Variants in TRIM10 observed in about 807,000 individuals in gnomAD.
TRIM10 encodes the protein tripartite motif-containing protein 10.
A neutral mutation model predicts 40.0 loss-of-function variants in TRIM10; 42 were observed. The observed-to-expected ratio is 1.05, with a 90% CI of 0.82 to 1.36. The LOEUF is 1.36. Among genes scored for constraint, TRIM10 ranks in the 40% most tolerant of loss-of-function variants. The probability of loss-of-function intolerance (pLI) is 0.00; values close to 1 mark genes in which losing one functional copy is unlikely to be tolerated. For synonymous variants in TRIM10, 260 were observed against 239.5 expected (o/e 1.09, Z -0.79); for missense variants, 601 against 608.3 (o/e 0.99, Z 0.13).
In TRIM10 at chr6:30,160,421, C is replaced by T; in HGVS notation, c.429+9G>A. On this transcript the variant is annotated intron_variant, in intron 1 of 6. Coordinates refer to ENST00000449742, the MANE Select transcript of TRIM10 (RefSeq NM_006778.4). ...TCCACCCTGGGATCCCCCAGTTCCC[C>T]TTTCCTACCCTATAGGGAGCCGCTG... 1 of 1,609,980 alleles carries T rather than the reference C, an allele frequency of 6.2e-7. No individual in the cohort carries two copies. Among genetic ancestry groups the T allele is most frequent in the East Asian group, 2.2e-5 (1 of 44,840 alleles).
upstream of TRIM10, chr6:30,163,637 C>T: frequency 1.9e-6 from 3 of 1,547,588 alleles, no homozygotes; most frequent in Admixed American, 3.7e-5. Context: ...AAAGGGAACT[C>T]GCGTGGGCTG....
intron 5 of TRIM10, among the ~76,000 whole-genome samples, chr6:30,156,411 C>G (rs1772531721): frequency 6.6e-6 from 1 of 152,112 alleles, no homozygotes; most frequent in Admixed American, 6.5e-5. Flanking sequence ...AAACCCTCCC[C>G]CACACCCTAC....
chr6:30,160,395 G>C, intron 1 of TRIM10, 35 bp downstream of exon 1: 2 of 1,595,624 alleles, frequency 1.3e-6, no homozygotes, highest in Non-Finnish European at 1.7e-6. Flanking sequence ...GTCCAGTCCA[G>C]TCCACCCTGG....
chr6:30,156,599 A>AGG (rs1772552896), intron 5 of TRIM10, among the ~76,000 whole-genome samples: 1 of 152,216 alleles, frequency 6.6e-6, no homozygotes, highest in Non-Finnish European at 1.5e-5. Flanking sequence ...AAAACTTATC[A>AGG]CATATTACAA....
At chr6:30,154,555 T>C in intron 6 of TRIM10, 69 bp from the exon 7 acceptor site, 1 of 1,573,620 alleles carries the variant, frequency 6.4e-7, no homozygotes, top group Non-Finnish European at 8.6e-7. Context: ...GCATAGAAAC[T>C]CCCCCTGGGC....
chr6:30,160,333 G>T, intron 1 of TRIM10, 97 bp downstream of exon 1: 1 of 1,349,202 alleles, frequency 7.4e-7, no homozygotes, highest in Non-Finnish European at 1.0e-6. Context: ...TAAGGAGAAA[G>T]AATTTGGCCT....
intron 3 of TRIM10, 74 bp downstream of exon 3, chr6:30,158,325 A>G (rs954475760): frequency 1.5e-6 from 2 of 1,295,302 alleles, no homozygotes; most frequent in African/African-American, 1.5e-5. Context: ...TCAGGGAGAC[A>G]TGGCTTAGGC....
upstream of TRIM10, among the ~76,000 whole-genome samples, chr6:30,162,799 G>A (rs182080786): frequency 5.7e-4 from 87 of 152,200 alleles, no homozygotes; most frequent in African/African-American, 2.0e-3. Context: ...TATTAAAATT[G>A]AATGTAGTAA....
rs55670497 is a variant in TRIM10 at position 30,153,834 on chromosome 6, C to T, written c.*135G>A. ...AGTCCTCTCTTCTATCCCTTACCACCCGGCCCCATCCCATCTTCTAAAGCA... is the reference window on the plus strand; with the variant it reads ...AGTCCTCTCTTCTATCCCTTACCACTCGGCCCCATCCCATCTTCTAAAGCA... On this transcript the variant is annotated 3_prime_UTR_variant, in exon 7 of 7. Transcript: ENST00000449742. 27,276 of 1,608,302 alleles carry T rather than the reference C, an allele frequency of 0.017. 468 individuals carry two copies. Among genetic ancestry groups the T allele is most frequent in the African/African-American group, 0.07 (5,213 of 74,894 alleles).
At chr6:30,163,143 A>G (rs1458516530), upstream of TRIM10, 1 of 156,392 alleles carries the variant, frequency 6.4e-6, no homozygotes. Flanking sequence ...GTGTCGAAAC[A>G]GCGTCCCGCC....
chr6:30,163,871 G>A (rs1176051669), upstream of TRIM10: 8 of 1,612,922 alleles, frequency 5.0e-6, no homozygotes, highest in Non-Finnish European at 5.9e-6. Flanking sequence ...CTGCCAAGAG[G>A]AGGAGCAGGC....
chr6:30,163,367 C>T, upstream of TRIM10: 1 of 470,340 alleles, frequency 2.1e-6, no homozygotes, highest in South Asian at 3.2e-5. Context: ...GTTCTCCACC[C>T]TAGGGACCAG....
chr6:30,162,280 AAAAAAAAAAAG>A (rs1773174272), upstream of TRIM10, among the ~76,000 whole-genome samples: 2 of 151,942 alleles, frequency 1.3e-5, no homozygotes, highest in South Asian at 4.1e-4. Flanking sequence ...CATTTCAAAA[AAAAAAAAAAAG>A]AAAAGAAAAA....
At chr6:30,157,665 T>TC (rs1038349622) in intron 3 of TRIM10, among the ~76,000 whole-genome samples, 2 of 146,470 alleles carry the variant, frequency 1.4e-5, no homozygotes, top group Non-Finnish European at 3.0e-5. Flanking sequence ...TTCTTTTTTT[T>TC]TTTTTTTTTT....
chr6:30,153,504 C>T lies in TRIM10; in HGVS notation c.*465G>A. 1.6e-6 allele frequency: 1 copy of T among 610,170 alleles called. No homozygotes were observed. The highest frequency in any genetic ancestry group is 1.8e-5 in the African/African-American group (1 of 54,218). 37.8% of individuals were successfully genotyped at this position (610,170 alleles called of 1,614,324 possible). ...TATATTTTCAAGTCACCAGTGGCCA[C>T]CACACTGCTTGGTTCATAGTTAACA... is the stretch of plus-strand genomic sequence containing the variant. On this transcript the variant is annotated 3_prime_UTR_variant, in exon 7 of 7. Coordinates refer to ENST00000449742, the MANE Select transcript of TRIM10 (RefSeq NM_006778.4).
intron 3 of TRIM10, 38 bp from the exon 4 acceptor site, chr6:30,157,429 T>C: frequency 6.4e-7 from 1 of 1,569,716 alleles, no homozygotes; most frequent in Non-Finnish European, 8.6e-7. Flanking sequence ...GTTTCCAGCT[T>C]CTCCTTTCCA....
At position 30,161,047 on chromosome 6, in the gene TRIM10, A is replaced by G. The variant is rs953930553; in HGVS notation, c.-189T>C. The G allele has an allele frequency of 8.0e-6, 5 of 625,458 alleles. No individual in the cohort carries two copies. Among genetic ancestry groups the G allele is most frequent in the Non-Finnish European group, 8.3e-6 (3 of 363,284 alleles). The allele number at this position is 625,458 out of a possible 1,614,324, so 38.7% of individuals were successfully genotyped here. A position where few individuals can be genotyped will look rare whatever the true frequency, so the allele number is the denominator to read the frequency against. ...GCCAGGGTTCTATTCTCCTGCCAAC[A>G]GCAGAGATGGGAAATAGCAGAGGAG... On this transcript the variant is annotated 5_prime_UTR_variant, in exon 1 of 7. Transcript: ENST00000449742.
upstream of TRIM10, among the ~76,000 whole-genome samples, chr6:30,161,943 A>G (rs1039784961): frequency 3.9e-5 from 6 of 152,246 alleles, no homozygotes; most frequent in African/African-American, 1.2e-4. Flanking sequence ...GTCATTAATA[A>G]GATATTTTAC....
chr6:30,163,939 G>T (rs1002106446), upstream of TRIM10: 3 of 1,613,022 alleles, frequency 1.9e-6, no homozygotes, highest in African/African-American at 1.3e-5. Flanking sequence ...ACTGCGAGGA[G>T]CACGGCGAGA....
Sources: allele counts gnomAD v4.1 joint callset (sites outside exome capture counted in the v4.1 genomes callset), GRCh38; gene constraint gnomAD v4.1.1; transcripts MANE v1.5; gene names NCBI Gene and HGNC (gene_info 2026-07-23, HGNC 2026-07-21).